Variants in SPECC1 observed in about 807,000 individuals in gnomAD.
SPECC1 encodes cytospin-B.
SPECC1 carries 62 observed loss-of-function variants against 104.1 expected under a neutral mutation model. The ratio of observed to expected loss-of-function variants is 0.60; its 90% CI spans 0.49 to 0.74. The LOEUF (loss-of-function observed/expected upper bound fraction) is 0.74, where lower values mean the gene tolerates loss of function less well. SPECC1 is among the 30% of genes least tolerant of loss of function. SPECC1 has a pLI of 0.00. For synonymous variants in SPECC1, 513 were observed against 501.6 expected (o/e 1.02, Z -0.30); for missense variants, 1,306 against 1,310.5 (o/e 1.00, Z 0.05).
intron 3 of SPECC1, among the ~76,000 whole-genome samples, chr17:20,176,895 T>A (rs1236438312): frequency 3.3e-5 from 5 of 152,150 alleles, no homozygotes; most frequent in African/African-American, 1.2e-4. Flanking sequence ...GTTCTAGGGA[T>A]TAGGATGTGG....
chr17:20,155,930 T>G (rs888660095), intron 3 of SPECC1: 86 of 1,217,594 alleles, frequency 7.1e-5, no homozygotes, highest in Non-Finnish European at 8.6e-5. Flanking sequence ...GCGGGCGGTG[T>G]GCAGTTGAGG....
Position 20,204,806 on chromosome 17 carries a change from A to G in SPECC1, c.757A>G (p.Lys253Glu), listed in dbSNP as rs2036662765. ...LEEENRVLKEKLIYLEHSPNS... is the reference protein window; with the variant it reads ...LEEENRVLKEELIYLEHSPNS... Reference sequence around the variant, plus strand: ...GGAAGAAAACCGGGTCCTGAAGGAGAAACTGATCTATCTTGAGCACTCCCC... The same window carrying G: ...GGAAGAAAACCGGGTCCTGAAGGAGGAACTGATCTATCTTGAGCACTCCCC... The change falls in exon 4 of 15, where the codon AAA (lysine) becomes GAA (glutamate). Residue 253 changes from lysine (K) to glutamate (E), a missense_variant. Lys to Glu is a moderately conservative substitution (Grantham distance 56). Around this residue, in one of 2 missense-constraint regions of SPECC1, gnomAD observed 1,177 missense variants for 1,139.9 expected, o/e 1.03. Transcript: ENST00000395527. 1 of 1,613,968 alleles carries G rather than the reference A, an allele frequency of 6.2e-7. No individual in the cohort carries two copies. The highest frequency in any genetic ancestry group is 1.3e-5 in the African/African-American group (1 of 74,900).
In SPECC1 at chr17:20,316,025, G is replaced by T. The variant is rs563163273; in HGVS notation, c.*1960G>T. On this transcript the variant is annotated 3_prime_UTR_variant, in exon 15 of 15. Coordinates refer to ENST00000395527, the MANE Select transcript of SPECC1 (RefSeq NM_001243439.2). ...CCTTCCCCTGGCAGCCACAAGGCAG[G>T]CAGCCTGCGGGAGCTCCTGAGCAGC... 4.6e-4 allele frequency: 107 copies of T among 232,614 alleles called. No individual in the cohort carries two copies. The highest frequency in any genetic ancestry group is 7.7e-4 in the Non-Finnish European group (90 of 117,624). 14.4% of individuals were successfully genotyped at this position (232,614 alleles called of 1,614,324 possible). A position where few individuals can be genotyped will look rare whatever the true frequency, so the allele number is the denominator to read the frequency against.
At chr17:20,109,192 ACT>A (rs1375642232) in intron 2 of SPECC1, among the ~76,000 whole-genome samples, 1 of 152,240 alleles carries the variant, frequency 6.6e-6, no homozygotes, top group Non-Finnish European at 1.5e-5. Context: ...TAAACTTCTA[ACT>A]CTCAGTAAAT....
intron 3 of SPECC1, among the ~76,000 whole-genome samples, chr17:20,170,166 G>C (rs143317144): frequency 6.6e-6 from 1 of 152,190 alleles, no homozygotes; most frequent in Non-Finnish European, 1.5e-5. Context: ...TTTGGCATCT[G>C]CCTTCACATG....
At chr17:20,036,747 C>T (rs1488399591) in intron 1 of SPECC1, among the ~76,000 whole-genome samples, 1 of 152,176 alleles carries the variant, frequency 6.6e-6, no homozygotes, top group African/African-American at 2.4e-5. Flanking sequence ...ATCATGTCAT[C>T]TGCAAACAGG....
At chr17:20,082,826 G>A (rs1434074697) in intron 1 of SPECC1, among the ~76,000 whole-genome samples, 5 of 152,160 alleles carry the variant, frequency 3.3e-5, no homozygotes, top group Non-Finnish European at 5.9e-5. Context: ...AGGGAGTGGC[G>A]GGGAGGGACA....
rs142091902 is a variant in SPECC1 at position 20,068,295 on chromosome 17, G to T, written c.-21-28336G>T. 5.2e-3 allele frequency among the ~76,000 whole-genome samples: 794 copies of T among 152,286 alleles called. 4 individuals are homozygous for T. Among genetic ancestry groups the T allele is most frequent in the Non-Finnish European group, 9.1e-3 (620 of 68,024 alleles). On this transcript the variant is annotated intron_variant, in intron 1 of 14. Transcript: ENST00000395527. ...CCTTTTGTTCAACATAAGGTTTTCA[G>T]GGTTCATCCATGTATCGGTACATTA...
rs1459085225 is a variant in SPECC1, at chr17:20,164,149, T to C, written c.284-40184T>C. On this transcript the variant is annotated intron_variant, in intron 3 of 14. Transcript: ENST00000395527. The stretch of plus-strand genomic sequence containing the variant: ...CATAAGTGTTTTATTCCAAATAATA[T>C]TGGGATTTCTTCCCATGTAATTTTT... Among the ~76,000 whole-genome samples, 9 of 152,132 alleles carry C rather than the reference T, an allele frequency of 5.9e-5. No individual in the cohort carries two copies. The East Asian group carries it at 1.7e-3, about 29-fold the overall frequency.
intron 3 of SPECC1, among the ~76,000 whole-genome samples, chr17:20,156,585 G>T (rs1445396730): frequency 6.6e-6 from 1 of 152,142 alleles, no homozygotes; most frequent in African/African-American, 2.4e-5. Context: ...CGTTTGCGGG[G>T]AGGGCGTGCC....
rs769519456 is a variant in SPECC1 at position 20,076,649 on chromosome 17, A to G, written c.-21-19982A>G. Among the ~76,000 whole-genome samples the G allele has an allele frequency of 3.5e-4, 53 of 152,170 alleles. 1 individual carries two copies. The highest frequency in any genetic ancestry group is 8.8e-5 in the Non-Finnish European group (6 of 68,036). ...AATAGATTAGTAACCGTCTTTGTCC[A>G]TGGAACTTTCCTTATGTTTTTGGGT... On this transcript the variant is annotated intron_variant, in intron 1 of 14. Coordinates refer to ENST00000395527, the MANE Select transcript of SPECC1 (RefSeq NM_001243439.2).
At chr17:20,099,176 A>G (rs1403702091) in intron 2 of SPECC1, among the ~76,000 whole-genome samples, 2 of 141,604 alleles carry the variant, frequency 1.4e-5, no homozygotes, top group African/African-American at 2.4e-5. Context: ...TTATTATTCT[A>G]TTATCCTGGA....
intron 3 of SPECC1, among the ~76,000 whole-genome samples, chr17:20,169,526 A>AT (rs1210139280): frequency 2.8e-3 from 410 of 146,328 alleles, no homozygotes; most frequent in South Asian, 9.2e-3. Flanking sequence ...TCCTTTTGGA[A>AT]TTTTTTTTTT....
At chr17:20,305,313 A>C (rs1325382165) in intron 13 of SPECC1, among the ~76,000 whole-genome samples, 3 of 152,170 alleles carry the variant, frequency 2.0e-5, no homozygotes, top group Non-Finnish European at 4.4e-5. Context: ...CCTGACATAC[A>C]AAGTAGAGTC....
At chr17:20,299,580 GAAAAGAAAA>G (rs2041500044) in intron 13 of SPECC1, among the ~76,000 whole-genome samples, 1 of 92,460 alleles carries the variant, frequency 1.1e-5, no homozygotes, top group African/African-American at 4.4e-5. Context: ...AAAAAAAAAA[GAAAAGAAAA>G]AAAACCTTCA....
intron 3 of SPECC1, among the ~76,000 whole-genome samples, chr17:20,201,456 G>A (rs937243488): frequency 2.0e-5 from 3 of 152,040 alleles, no homozygotes; most frequent in African/African-American, 7.2e-5. Flanking sequence ...ATTCCAGCCT[G>A]GGCAACAAGA....
chr17:20,052,730 T>G (rs2045821985), intron 1 of SPECC1, among the ~76,000 whole-genome samples: 3 of 152,148 alleles, frequency 2.0e-5, no homozygotes, highest in South Asian at 2.1e-4. Flanking sequence ...GCATGGACTC[T>G]AGAGAGGTTT....
At chr17:20,307,169 TATAAA>T (rs1487888865) in intron 14 of SPECC1, among the ~76,000 whole-genome samples, 2 of 152,120 alleles carry the variant, frequency 1.3e-5, no homozygotes, top group African/African-American at 2.4e-5. Context: ...CATTAAAAAA[TATAAA>T]ATATAATGGT....
At chr17:20,139,200 G>A (rs2030425430) in intron 3 of SPECC1, among the ~76,000 whole-genome samples, 1 of 152,196 alleles carries the variant, frequency 6.6e-6, no homozygotes, top group South Asian at 2.1e-4. Context: ...CCTCCCATGT[G>A]GGAAGCTCTG....
Sources: allele counts gnomAD v4.1 joint callset (sites outside exome capture counted in the v4.1 genomes callset), GRCh38; gene constraint gnomAD v4.1.1; regional missense constraint gnomAD v4.1.1; transcripts MANE v1.5; gene names NCBI Gene and HGNC (gene_info 2026-07-23, HGNC 2026-07-21).